Variants in TAB2 observed in about 807,000 individuals in gnomAD.
TAB2 encodes TGF-beta-activated kinase 1 and MAP3K7-binding protein 2.
TAB2 carries 3 observed loss-of-function variants against 65.0 expected under a neutral mutation model. The observed-to-expected ratio is 0.05, with a 90% CI of 0.02 to 0.12. TAB2 has a LOEUF of 0.12. Among genes scored for constraint, TAB2 ranks in the 10% least tolerant of loss-of-function variants. The pLI is 1.00. For missense variants in TAB2, 623 were observed against 840.3 expected (o/e 0.74, Z 3.20); for synonymous variants, 298 against 285.1 (o/e 1.05, Z -0.46).
intron 1 of TAB2, among the ~76,000 whole-genome samples, chr6:149,319,506 G>C (rs1194812675): frequency 6.6e-6 from 1 of 152,140 alleles, no homozygotes; most frequent in Non-Finnish European, 1.5e-5. Context: ...GGCTAAATTA[G>C]GGTACAGTTA....
At chr6:149,310,563 T>C (rs1212911209) in intron 1 of TAB2, among the ~76,000 whole-genome samples, 2 of 115,892 alleles carry the variant, frequency 1.7e-5, no homozygotes, top group Non-Finnish European at 3.5e-5. Context: ...GAAAATAATA[T>C]ATATATTTTT....
rs1480100740 is a variant in TAB2, at chr6:149,368,819, T to G, written c.-89-1090T>G. Among the ~76,000 whole-genome samples, 6 of 152,144 alleles carry G rather than the reference T, an allele frequency of 3.9e-5. No individual in the cohort carries two copies. In the East Asian group the frequency reaches 9.6e-4, roughly 24 times the overall value. ...ATTTAATCAAGTGATGATAAAAAACTAAAAGGCTTATTACTATATAAGTGA... is the reference window on the plus strand; with the variant it reads ...ATTTAATCAAGTGATGATAAAAAACGAAAAGGCTTATTACTATATAAGTGA... On this transcript the variant is annotated intron_variant, in intron 1 of 6. Coordinates refer to ENST00000637181, the MANE Select transcript of TAB2 (RefSeq NM_001292034.3).
chr6:149,268,084 C>G (rs1218970111), intron 1 of TAB2, among the ~76,000 whole-genome samples: 1 of 152,220 alleles, frequency 6.6e-6, no homozygotes, highest in Non-Finnish European at 1.5e-5. Flanking sequence ...TTAGGTTTGG[C>G]TTTCAGTACC....
intron 1 of TAB2, chr6:149,257,340 T>C (rs769593741): frequency 2.6e-5 from 4 of 152,194 alleles, no homozygotes; most frequent in African/African-American, 7.2e-5. Flanking sequence ...GGGGAAAAGT[T>C]TCCTCTTCTC....
chr6:149,331,300 A>G (rs1006124636), intron 1 of TAB2, among the ~76,000 whole-genome samples: 3 of 152,140 alleles, frequency 2.0e-5, no homozygotes, highest in Non-Finnish European at 4.4e-5. Context: ...ATACCTAGAT[A>G]TATATTTTTT....
chr6:149,388,337 A>C (rs2114916523), intron 3 of TAB2, among the ~76,000 whole-genome samples: 1 of 152,282 alleles, frequency 6.6e-6, no homozygotes. Flanking sequence ...ACACAGCCAC[A>C]CCTAATTCAG....
chr6:149,375,468 A>T (rs1428006408), intron 2 of TAB2, among the ~76,000 whole-genome samples: 2 of 152,130 alleles, frequency 1.3e-5, no homozygotes, highest in Non-Finnish European at 2.9e-5. Context: ...CATATTGAAT[A>T]ATTACAGAGA....
intron 1 of TAB2, among the ~76,000 whole-genome samples, chr6:149,306,589 A>AAC (rs1554257550): frequency 6.6e-6 from 1 of 151,558 alleles, no homozygotes; most frequent in East Asian, 1.9e-4. Flanking sequence ...AACAAAAAAA[A>AAC]ACACACACAC....
At chr6:149,218,376 A>G (rs1016225496), upstream of TAB2, among the ~76,000 whole-genome samples, 1 of 152,228 alleles carries the variant, frequency 6.6e-6, no homozygotes, top group African/African-American at 2.4e-5. Flanking sequence ...GGAAAAAAAG[A>G]TTTATTAAAA....
chr6:149,283,850 T>C (rs1778621090), intron 1 of TAB2, among the ~76,000 whole-genome samples: 1 of 152,134 alleles, frequency 6.6e-6, no homozygotes, highest in South Asian at 2.1e-4. Context: ...ATTACTTTAA[T>C]TTTTTTAAAA....
intron 1 of TAB2, among the ~76,000 whole-genome samples, chr6:149,353,607 A>G (rs914334282): frequency 2.6e-5 from 4 of 152,228 alleles, no homozygotes; most frequent in African/African-American, 7.2e-5. Flanking sequence ...GCTAACCTTC[A>G]TATTGTTGCC....
At chr6:149,406,717 GTTTA>G (rs1177419551) in intron 6 of TAB2, among the ~76,000 whole-genome samples, 4 of 151,868 alleles carry the variant, frequency 2.6e-5, no homozygotes, top group African/African-American at 7.3e-5. Context: ...TTGTTTGTTT[GTTTA>G]TTTTTTATTT....
intron 1 of TAB2, among the ~76,000 whole-genome samples, chr6:149,248,146 C>T (rs1282614226): frequency 2.6e-5 from 4 of 152,090 alleles, no homozygotes; most frequent in Admixed American, 1.3e-4. Flanking sequence ...AATCCCAGCA[C>T]TTTGGGAGGC....
At chr6:149,362,796 G>A (rs1780894702) in intron 1 of TAB2, among the ~76,000 whole-genome samples, 1 of 152,124 alleles carries the variant, frequency 6.6e-6, no homozygotes, top group African/African-American at 2.4e-5. Context: ...GTTTTGAGGT[G>A]TTGTTTTGTT....
Position 149,367,400 on chromosome 6 carries a change from T to A in TAB2, c.-89-2509T>A, listed in dbSNP as rs192298616. Among the ~76,000 whole-genome samples the A allele has an allele frequency of 2.1e-3, 315 of 152,186 alleles. 1 individual carries two copies. The highest frequency in any genetic ancestry group is 7.2e-3 in the African/African-American group (299 of 41,508). Reference sequence around the variant, plus strand: ...AAAGGAGCAGCAAATCCGATAGCCCTAAGGGAAGAACAAGAGTGACTTCTT... The same window carrying A: ...AAAGGAGCAGCAAATCCGATAGCCCAAAGGGAAGAACAAGAGTGACTTCTT... On this transcript the variant is annotated intron_variant, in intron 1 of 6. Transcript: ENST00000637181.
rs1562396751 is a variant in TAB2 at position 149,275,138 on chromosome 6, T to TA, written c.-121+56362_-121+56363insA. 4.5e-3 allele frequency among the ~76,000 whole-genome samples: 576 copies of TA among 127,636 alleles called. 45 individuals are homozygous for TA. The highest frequency in any genetic ancestry group is 0.018 in the African/African-American group (531 of 29,068). 83.7% of individuals were successfully genotyped at this position (127,636 alleles called of 152,430 possible). The stretch of plus-strand genomic sequence containing the variant: ...TTCTCTTCTTCTGTTTTTTTTTTTT[T>TA]TTTTTGAGTTGGAGTCTTGCTCTAT... On this transcript the variant is annotated intron_variant, in intron 1 of 1. Coordinates refer to the TAB2 transcript ENST00000606202.
intron 1 of TAB2, among the ~76,000 whole-genome samples, chr6:149,274,286 G>A (rs1233439571): frequency 2.0e-5 from 3 of 152,240 alleles, no homozygotes; most frequent in Non-Finnish European, 4.4e-5. Context: ...AGTATGTCAT[G>A]TGACCTGAGC....
At chr6:149,383,661 C>A (rs539478151) in intron 3 of TAB2, among the ~76,000 whole-genome samples, 12 of 152,324 alleles carry the variant, frequency 7.9e-5, no homozygotes, top group Non-Finnish European at 1.5e-4. Context: ...CAGCTCACTG[C>A]AACCTTCACC....
chr6:149,377,067 CTTA>C (rs750833902), intron 2 of TAB2, among the ~76,000 whole-genome samples: 7 of 143,538 alleles, frequency 4.9e-5, no homozygotes, highest in African/African-American at 1.8e-4. Context: ...ACAAATGTAA[CTTA>C]TTTTTTTTTT....
Sources: gnomAD v4.1 joint callset for allele counts (sites outside exome capture counted in the v4.1 genomes callset) on GRCh38, gnomAD v4.1.1 for gene constraint, MANE v1.5 for transcripts, NCBI Gene and HGNC (gene_info 2026-07-23, HGNC 2026-07-21) for gene names.